The following TRHDE variants were observed in gnomAD, a reference collection of about 807,000 sequenced individuals.
TRHDE encodes thyrotropin releasing hormone degrading enzyme.
Under a neutral mutation model 125.7 loss-of-function variants are expected in TRHDE, and 72 were observed. That is an observed-to-expected ratio of 0.57 (90% confidence interval 0.47 to 0.70). The LOEUF (loss-of-function observed/expected upper bound fraction) is 0.70. TRHDE is among the 30% of genes least tolerant of loss of function. The pLI is 0.00. For missense variants in TRHDE, 1,110 were observed against 1,327.1 expected, an observed-to-expected ratio of 0.84 and a Z score of 2.54; for synonymous variants, 509 against 509.1, an observed-to-expected ratio of 1.00 and a Z score of 0.00.
chr12:72,562,739 TTAAATGTTTTCATATTTAGG>T (rs1344350506), intron 8 of TRHDE, 94 bp from the exon 9 acceptor site: 12 of 675,592 alleles, frequency 1.8e-5, no homozygotes, highest in Non-Finnish European at 2.8e-5. Flanking sequence ...TTCAATGACT[TTAAATGTTTTCATATTTAGG>T]TAAATAGTAA....
intron 15 of TRHDE, among the ~76,000 whole-genome samples, chr12:72,639,836 C>T (rs1873960287): frequency 6.6e-6 from 1 of 152,190 alleles, no homozygotes; most frequent in African/African-American, 2.4e-5. Context: ...GTCAGGGACC[C>T]ACTTGAGGAG....
chr12:72,635,910 G>T lies in TRHDE; in HGVS notation c.2675+14159G>T, dbSNP rs1050525310. Reference sequence around the variant, plus strand: ...ATGCTCTTTTGGTTACTGTAGCCTTGTAGTATAGTTTGAAGTCAGGTAGCA... The same window carrying T: ...ATGCTCTTTTGGTTACTGTAGCCTTTTAGTATAGTTTGAAGTCAGGTAGCA... On this transcript the variant is annotated intron_variant, in intron 15 of 18. Coordinates refer to ENST00000261180, the MANE Select transcript of TRHDE (RefSeq NM_013381.3). Among the ~76,000 whole-genome samples the T allele has an allele frequency of 2.0e-5, 3 of 152,118 alleles. No individual in the cohort carries two copies. In the East Asian group the frequency reaches 5.8e-4, roughly 29 times the overall value.
At chr12:72,202,685 A>G (rs930484640) in intron 2 of TRHDE, among the ~76,000 whole-genome samples, 4 of 152,202 alleles carry the variant, frequency 2.6e-5, no homozygotes, top group African/African-American at 4.8e-5. Context: ...TGACCATTCA[A>G]TACTTGAAAC....
At chr12:72,413,106 A>G (rs1424344799) in intron 3 of TRHDE, among the ~76,000 whole-genome samples, 1 of 152,082 alleles carries the variant, frequency 6.6e-6, no homozygotes, top group East Asian at 1.9e-4. Context: ...CTACTTCTAT[A>G]TATGTTATTT....
At chr12:72,278,682 C>A (rs188678149) in intron 1 of TRHDE, among the ~76,000 whole-genome samples, 1 of 152,146 alleles carries the variant, frequency 6.6e-6, no homozygotes, top group Non-Finnish European at 1.5e-5. Flanking sequence ...TTGCATTTCC[C>A]TGATGATAAG....
In TRHDE at chr12:72,606,153, G is replaced by A. The variant is rs562518418; in HGVS notation, c.2322-12738G>A. 3.3e-5 allele frequency among the ~76,000 whole-genome samples: 5 copies of A among 152,276 alleles called. No homozygotes were observed. The South Asian group carries it at 6.2e-4, about 19-fold the overall frequency. ...GACTTTGGAGGGTTGTGATACTCAC[G>A]AATTTATGGGGCACTTGTATGTGGG... On this transcript the variant is annotated intron_variant, in intron 12 of 18. Coordinates refer to ENST00000261180, the MANE Select transcript of TRHDE (RefSeq NM_013381.3).
At position 72,652,395 on chromosome 12, in the gene TRHDE, A is replaced by G. The variant is rs1482464559; in HGVS notation, c.2749A>G (p.Ile917Val). The change falls in exon 16 of 19, where the codon ATA (isoleucine) becomes GTA (valine). Residue 917 changes from isoleucine (I) to valine (V), a missense_variant. By Grantham distance (29) the Ile-to-Val change is conservative. Around this residue, in one of 5 missense-constraint regions of TRHDE, gnomAD observed 527 missense variants for 651.8 expected, o/e 0.81. Coordinates refer to ENST00000261180, the MANE Select transcript of TRHDE (RefSeq NM_013381.3). ...ACTGGATGAGGATGTCTGGGAATTCATATGGATGAAATTCCATTCCACCAC... is the reference window on the plus strand; with the variant it reads ...ACTGGATGAGGATGTCTGGGAATTCGTATGGATGAAATTCCATTCCACCAC... ...SLLDEDVWEF[I>V]WMKFHSTTAV... 1 of 1,606,966 alleles carries G rather than the reference A, an allele frequency of 6.2e-7. No homozygotes were observed. Among genetic ancestry groups the G allele is most frequent in the Admixed American group, 1.7e-5 (1 of 59,282 alleles).
At chr12:72,497,299 A>G (rs1015238714) in intron 5 of TRHDE, among the ~76,000 whole-genome samples, 8 of 152,034 alleles carry the variant, frequency 5.3e-5, no homozygotes, top group Admixed American at 4.6e-4. Context: ...TTTGGAATTT[A>G]CTTTAGATTT....
At chr12:72,585,233 T>G (rs1871390525) in intron 12 of TRHDE, among the ~76,000 whole-genome samples, 1 of 152,210 alleles carries the variant, frequency 6.6e-6, no homozygotes, top group Admixed American at 6.5e-5. Context: ...AGAAATTCAT[T>G]TCGTCTTTTC....
intron 2 of TRHDE, among the ~76,000 whole-genome samples, chr12:72,303,712 G>C (rs568670434): frequency 6.6e-6 from 1 of 152,222 alleles, no homozygotes; most frequent in South Asian, 2.1e-4. Flanking sequence ...GGGCACAGAA[G>C]TCACACACAG....
intron 2 of TRHDE, among the ~76,000 whole-genome samples, chr12:72,251,082 T>C (rs1337839043): frequency 6.6e-6 from 1 of 151,832 alleles, no homozygotes; most frequent in African/African-American, 2.4e-5. Context: ...TATAGTATAA[T>C]ATCACAAATG....
intron 12 of TRHDE, among the ~76,000 whole-genome samples, chr12:72,582,802 G>A (rs190683462): frequency 2.4e-4 from 36 of 152,270 alleles, no homozygotes; most frequent in African/African-American, 8.7e-4. Flanking sequence ...AAACTGCCAT[G>A]AAAAACCTGA....
chr12:72,564,783 T>A (rs1354424326), intron 9 of TRHDE, among the ~76,000 whole-genome samples: 2 of 142,478 alleles, frequency 1.4e-5, no homozygotes, highest in Non-Finnish European at 3.0e-5. Flanking sequence ...TTCTCCTGCC[T>A]CAGCCTCCGG....
chr12:72,116,055 T>C (rs1318556775), intron 2 of TRHDE, among the ~76,000 whole-genome samples: 2 of 152,090 alleles, frequency 1.3e-5, no homozygotes, highest in South Asian at 2.1e-4. Flanking sequence ...TGTTCCCCTT[T>C]CTGTGTCCAT....
intron 2 of TRHDE, among the ~76,000 whole-genome samples, chr12:72,347,045 A>G (rs541387868): frequency 2.0e-4 from 30 of 152,238 alleles, no homozygotes; most frequent in Middle Eastern, 3.4e-3. Context: ...TAAGGATGCC[A>G]GTGATACTGG....
intron 1 of TRHDE, among the ~76,000 whole-genome samples, chr12:72,094,787 A>C (rs1489741577): frequency 1.3e-5 from 2 of 152,242 alleles, no homozygotes; most frequent in Non-Finnish European, 2.9e-5. Flanking sequence ...GTCTGGAGCC[A>C]GGAACTCACA....
At chr12:72,215,783 T>A (rs143609084) in intron 2 of TRHDE, among the ~76,000 whole-genome samples, 25 of 152,300 alleles carry the variant, frequency 1.6e-4, no homozygotes, top group African/African-American at 5.8e-4. Context: ...GACACCTGAA[T>A]TCCTGGGATG....
intron 7 of TRHDE, among the ~76,000 whole-genome samples, chr12:72,550,220 C>T (rs1869611296): frequency 6.6e-6 from 1 of 151,854 alleles, no homozygotes; most frequent in African/African-American, 2.4e-5. Flanking sequence ...AGATGCCAGT[C>T]TGTAATTATG....
intron 2 of TRHDE, among the ~76,000 whole-genome samples, chr12:72,160,162 C>T (rs987433005): frequency 6.6e-6 from 1 of 152,174 alleles, no homozygotes; most frequent in African/African-American, 2.4e-5. Context: ...TACATACCCA[C>T]ATTGTTGGCC....
Sources: gnomAD v4.1 joint callset for allele counts (sites outside exome capture counted in the v4.1 genomes callset) on GRCh38, gnomAD v4.1.1 for gene constraint, gnomAD v4.1.1 regional missense constraint, MANE v1.5 for transcripts, NCBI Gene and HGNC (gene_info 2026-07-23, HGNC 2026-07-21) for gene names.